Variants in LINGO2 observed in about 807,000 individuals in gnomAD.
LINGO2 encodes leucine-rich repeat and immunoglobulin-like domain-containing nogo receptor-interacting protein 2.
Under a neutral mutation model 30.6 loss-of-function variants are expected in LINGO2, and 14 were observed. That is an observed-to-expected ratio of 0.46 (90% CI 0.30 to 0.72). The LOEUF (loss-of-function observed/expected upper bound fraction) is 0.72, where lower values mean the gene tolerates loss of function less well. Ranked by LOEUF, LINGO2 falls within the 30% of genes least tolerant of loss-of-function variation. LINGO2 has a pLI of 0.07. For synonymous variants in LINGO2, 317 were observed against 288.5 expected (o/e 1.10, Z -1.00); for missense variants, 729 against 751.7 (o/e 0.97, Z 0.35).
chr9:28,134,018 T>G (rs552769681), intron 4 of LINGO2, among the ~76,000 whole-genome samples: 2 of 152,174 alleles, frequency 1.3e-5, no homozygotes, highest in African/African-American at 4.8e-5. Flanking sequence ...TCTAAACATA[T>G]AGTATCCTTC....
the LINGO2 span, among the ~76,000 whole-genome samples, chr9:28,766,237 T>A: frequency 1.6e-4 from 24 of 152,076 alleles, 1 homozygote; most frequent in Admixed American, 1.6e-3. Flanking sequence ...GGAACTCACA[T>A]AACTTAATAG....
At chr9:28,562,663 C>G (rs1220476053) in intron 1 of LINGO2, among the ~76,000 whole-genome samples, 1 of 151,738 alleles carries the variant, frequency 6.6e-6, no homozygotes, top group Non-Finnish European at 1.5e-5. Flanking sequence ...ATGAGGTGAG[C>G]CTCTTTCTGA....
chr9:28,150,589 A>T (rs1024565949), intron 4 of LINGO2, among the ~76,000 whole-genome samples: 8 of 152,176 alleles, frequency 5.3e-5, no homozygotes, highest in African/African-American at 1.9e-4. Context: ...TCCTGAAACG[A>T]TGTTGTAGTT....
chr9:28,188,062 T>C (rs1305812484), intron 4 of LINGO2, among the ~76,000 whole-genome samples: 1 of 152,178 alleles, frequency 6.6e-6, no homozygotes, highest in Non-Finnish European at 1.5e-5. Context: ...CTTTTTAATA[T>C]TTCCCTGCTA....
At chr9:28,881,381 C>A in the LINGO2 span, among the ~76,000 whole-genome samples, 1 of 152,108 alleles carries the variant, frequency 6.6e-6, no homozygotes, top group Non-Finnish European at 1.5e-5. Flanking sequence ...GCCTCAGCCT[C>A]CCAAAGTGCT....
the LINGO2 span, among the ~76,000 whole-genome samples, chr9:28,789,084 G>A: frequency 6.6e-6 from 1 of 151,928 alleles, no homozygotes; most frequent in African/African-American, 2.4e-5. Flanking sequence ...TGTATTCCTG[G>A]TTTCAGATTT....
the LINGO2 span, among the ~76,000 whole-genome samples, chr9:28,974,535 G>A: frequency 6.6e-6 from 1 of 152,116 alleles, no homozygotes; most frequent in African/African-American, 2.4e-5. Flanking sequence ...GTTAAAAATG[G>A]GAGTTCCCTT....
chr9:29,050,502 C>G, the LINGO2 span, among the ~76,000 whole-genome samples: 2 of 151,940 alleles, frequency 1.3e-5, no homozygotes, highest in African/African-American at 4.8e-5. Context: ...AAGAATGAAC[C>G]AGAAATTAAC....
At chr9:28,904,124 A>C in the LINGO2 span, among the ~76,000 whole-genome samples, 3 of 151,766 alleles carry the variant, frequency 2.0e-5, no homozygotes, top group Admixed American at 1.3e-4. Context: ...AATCATCTCA[A>C]TCAATACAGA....
chr9:28,544,232 T>C (rs558393945), intron 1 of LINGO2, among the ~76,000 whole-genome samples: 16 of 151,986 alleles, frequency 1.1e-4, no homozygotes, highest in Non-Finnish European at 1.9e-4. Context: ...AAAACAAAAA[T>C]AAATAATAAT....
At chr9:28,070,119 T>C (rs7042514) in intron 4 of LINGO2, among the ~76,000 whole-genome samples, 6,024 of 152,216 alleles carry the variant, frequency 0.04, 362 homozygotes, top group African/African-American at 0.13. Flanking sequence ...ATACTCCAGA[T>C]CCTCTAACTC....
chr9:28,104,280 T>TTTG, intron 4 of LINGO2, among the ~76,000 whole-genome samples: 1 of 146,850 alleles, frequency 6.8e-6, no homozygotes, highest in African/African-American at 2.5e-5. Flanking sequence ...TTTTTTTTTT[T>TTTG]TTTTTTGCTT....
At chr9:29,213,335 C>A in the LINGO2 span, among the ~76,000 whole-genome samples, 1 of 152,152 alleles carries the variant, frequency 6.6e-6, no homozygotes, top group Non-Finnish European at 1.5e-5. Context: ...CTACTCCCTG[C>A]CCGAATTAGG....
intron 1 of LINGO2, among the ~76,000 whole-genome samples, chr9:28,585,235 A>G (rs1365666970): frequency 6.6e-6 from 1 of 152,048 alleles, no homozygotes; most frequent in Non-Finnish European, 1.5e-5. Flanking sequence ...TTCTGTTTTA[A>G]CTGGGCATCT....
rs562280381 is a variant in LINGO2 at position 28,208,976 on chromosome 9, G to C, written c.-87+86232C>G. 1.2e-4 allele frequency among the ~76,000 whole-genome samples: 18 copies of C among 151,876 alleles called. No homozygotes were observed. The South Asian group carries it at 2.3e-3, about 19-fold the overall frequency. Reference sequence around the variant, plus strand: ...CTTTGTCCTTTCTGGGTTTGTTCTTGTACAACCAATTTAATGAAGTTGCAG... The same window carrying C: ...CTTTGTCCTTTCTGGGTTTGTTCTTCTACAACCAATTTAATGAAGTTGCAG... On this transcript the variant is annotated intron_variant, in intron 4 of 5. Transcript: ENST00000379992.
chr9:28,715,786 A>C, the LINGO2 span, among the ~76,000 whole-genome samples: 4 of 152,084 alleles, frequency 2.6e-5, no homozygotes. Flanking sequence ...GCAGGAGTTG[A>C]AGAATAACTT....
chr9:28,563,908 C>G (rs1355018080), intron 1 of LINGO2, among the ~76,000 whole-genome samples: 1 of 152,080 alleles, frequency 6.6e-6, no homozygotes, highest in African/African-American at 2.4e-5. Flanking sequence ...TTAGACCCCT[C>G]CTACCTATGC....
At chr9:28,822,457 T>C in the LINGO2 span, among the ~76,000 whole-genome samples, 1 of 152,186 alleles carries the variant, frequency 6.6e-6, no homozygotes, top group South Asian at 2.1e-4. Context: ...TGCAAAGTAT[T>C]GATCCTGGGG....
chr9:28,800,190 AG>A, the LINGO2 span, among the ~76,000 whole-genome samples: 3 of 152,172 alleles, frequency 2.0e-5, no homozygotes, highest in South Asian at 6.2e-4. Flanking sequence ...GTTTCTTTTC[AG>A]CTGCAGTAAC....
Sources: allele counts gnomAD v4.1 joint callset (sites outside exome capture counted in the v4.1 genomes callset), GRCh38; gene constraint gnomAD v4.1.1; transcripts MANE v1.5; gene names NCBI Gene and HGNC (gene_info 2026-07-23, HGNC 2026-07-21).